The following HNRNPC variants were observed in gnomAD, a reference collection of about 807,000 sequenced individuals.
The protein encoded by HNRNPC is heterogeneous nuclear ribonucleoproteins C1/C2.
HNRNPC carries 3 observed loss-of-function variants against 33.2 expected under a neutral mutation model. That is an observed-to-expected ratio of 0.09 (90% confidence interval 0.04 to 0.23). The LOEUF is 0.23. Among genes scored for constraint, HNRNPC ranks in the 10% least tolerant of loss-of-function variants. The pLI, the probability that HNRNPC is intolerant of heterozygous loss-of-function variation, is 1.00. For synonymous variants in HNRNPC, 121 were observed against 126.7 expected (o/e 0.96, Z 0.30); for missense variants, 143 against 366.7 (o/e 0.39, Z 4.98).
chr14:21,230,583 G>A (rs1467090808), intron 4 of HNRNPC: 9 of 543,012 alleles, frequency 1.7e-5, no homozygotes, highest in Middle Eastern at 7.2e-4. Flanking sequence ...GTTAAAATTC[G>A]CTAAGATTTC....
intron 5 of HNRNPC, among the ~76,000 whole-genome samples, chr14:21,228,121 C>A (rs539080991): frequency 2.0e-5 from 3 of 152,284 alleles, no homozygotes; most frequent in African/African-American, 7.2e-5. Context: ...AAGCAATTAC[C>A]ATGTGCAGAA....
intron 5 of HNRNPC, among the ~76,000 whole-genome samples, chr14:21,228,484 C>T (rs750923449): frequency 5.8e-4 from 88 of 152,004 alleles, no homozygotes; most frequent in Non-Finnish European, 1.1e-3. Context: ...CTCCACCTCC[C>T]GGGATCAAGC....
At chr14:21,263,522 G>A (rs1357719819) in intron 1 of HNRNPC, 186 bp from the exon 2 acceptor site, 2 of 151,976 alleles carry the variant, frequency 1.3e-5, no homozygotes, top group African/African-American at 2.4e-5. Flanking sequence ...AAAAATACAC[G>A]AGGAAGTAGA....
At chr14:21,244,713 T>A (rs1566628173) in intron 2 of HNRNPC, among the ~76,000 whole-genome samples, 1 of 152,216 alleles carries the variant, frequency 6.6e-6, no homozygotes, top group Non-Finnish European at 1.5e-5. Flanking sequence ...AGAGTGTAGT[T>A]ACCCAATACC....
At chr14:21,213,427 G>A (rs1891832359) in intron 5 of HNRNPC, 2 of 260,546 alleles carry the variant, frequency 7.7e-6, no homozygotes, top group Non-Finnish European at 1.5e-5. Flanking sequence ...ACTAGTGTCA[G>A]TATTAACAGG....
intron 5 of HNRNPC, among the ~76,000 whole-genome samples, chr14:21,217,334 T>C (rs1216907325): frequency 6.6e-6 from 1 of 152,216 alleles, no homozygotes; most frequent in Non-Finnish European, 1.5e-5. Flanking sequence ...CATGCTGTCT[T>C]AGTCTAGCAT....
At chr14:21,267,095 CA>C (rs56203257) in intron 1 of HNRNPC, among the ~76,000 whole-genome samples, 3,218 of 103,454 alleles carry the variant, frequency 0.031, 177 homozygotes, top group South Asian at 0.037. Flanking sequence ...GACTCCGTCT[CA>C]AAAAAAAAAA....
intron 2 of HNRNPC, among the ~76,000 whole-genome samples, chr14:21,260,888 G>A (rs1427339633): frequency 1.3e-5 from 2 of 150,586 alleles, no homozygotes; most frequent in Non-Finnish European, 3.0e-5. Flanking sequence ...GCTTGAACCC[G>A]GGAGGTGGAG....
chr14:21,223,293 G>A (rs1282680959), intron 5 of HNRNPC, among the ~76,000 whole-genome samples: 1 of 152,092 alleles, frequency 6.6e-6, no homozygotes, highest in Admixed American at 6.5e-5. Context: ...ATACCTTAGT[G>A]TTGGGTAAAA....
chr14:21,237,950 T>G (rs955013680), intron 2 of HNRNPC, among the ~76,000 whole-genome samples: 3 of 152,114 alleles, frequency 2.0e-5, no homozygotes, highest in African/African-American at 7.2e-5. Context: ...TTTGTATTTT[T>G]AGCAAAGACC....
At chr14:21,238,748 C>A (rs552631383) in intron 2 of HNRNPC, among the ~76,000 whole-genome samples, 185 of 152,190 alleles carry the variant, frequency 1.2e-3, no homozygotes, top group African/African-American at 4.1e-3. Flanking sequence ...GGATCCTACT[C>A]TATCACCATT....
At chr14:21,255,098 A>G (rs922382967) in intron 2 of HNRNPC, among the ~76,000 whole-genome samples, 2 of 152,254 alleles carry the variant, frequency 1.3e-5, no homozygotes, top group Non-Finnish European at 2.9e-5. Flanking sequence ...ATAGGGAGTG[A>G]CAATGCATTA....
intron 2 of HNRNPC, among the ~76,000 whole-genome samples, chr14:21,257,586 T>C (rs1236195310): frequency 6.6e-6 from 1 of 152,112 alleles, no homozygotes; most frequent in Non-Finnish European, 1.5e-5. Context: ...TAGCTCACTT[T>C]TGTTTTTTTA....
chr14:21,225,524 C>T (rs888613643), intron 5 of HNRNPC, among the ~76,000 whole-genome samples: 1 of 151,918 alleles, frequency 6.6e-6, no homozygotes, highest in South Asian at 2.1e-4. Flanking sequence ...CAAGATGTCC[C>T]ACAATGACTG....
At chr14:21,252,474 G>A (rs1026602508) in intron 2 of HNRNPC, among the ~76,000 whole-genome samples, 2 of 152,016 alleles carry the variant, frequency 1.3e-5, no homozygotes, top group Non-Finnish European at 2.9e-5. Flanking sequence ...CCCTACCCAG[G>A]TAATTTTTTT....
chr14:21,212,238 A>C (rs574767002), intron 6 of HNRNPC, among the ~76,000 whole-genome samples: 8 of 152,150 alleles, frequency 5.3e-5, no homozygotes, highest in Non-Finnish European at 1.0e-4. Context: ...TACAGCCTAG[A>C]TCCCCAGGGT....
At chr14:21,267,497 A>T (rs1168977024) in intron 1 of HNRNPC, among the ~76,000 whole-genome samples, 2 of 152,198 alleles carry the variant, frequency 1.3e-5, no homozygotes, top group East Asian at 3.8e-4. Context: ...AATTCTCTAC[A>T]GAAGGAACAT....
intron 1 of HNRNPC, among the ~76,000 whole-genome samples, chr14:21,267,908 C>T (rs1879287300): frequency 6.6e-6 from 1 of 152,162 alleles, no homozygotes; most frequent in African/African-American, 2.4e-5. Context: ...CAATGATAAA[C>T]TTTAGTTTTA....
At chr14:21,229,386 A>T (rs992634850) in intron 5 of HNRNPC, among the ~76,000 whole-genome samples, 6 of 151,790 alleles carry the variant, frequency 4.0e-5, no homozygotes, top group Admixed American at 2.0e-4. Context: ...AAAAAAAAAA[A>T]ATCTGAGGAA....
Sources: gnomAD v4.1 joint callset for allele counts (sites outside exome capture counted in the v4.1 genomes callset) on GRCh38, gnomAD v4.1.1 for gene constraint, MANE v1.5 for transcripts, NCBI Gene and HGNC (gene_info 2026-07-23, HGNC 2026-07-21) for gene names.